B4GALT6: variants seen among roughly 807,000 people sequenced by gnomAD.
The protein encoded by B4GALT6 is UDP-Gal:beta-GlcNAc beta-1,4-galactosyltransferase 6.
In B4GALT6, 14 loss-of-function variants were observed where a neutral mutation model predicts 46.3. That is an observed-to-expected ratio of 0.30 (90% CI 0.20 to 0.47). B4GALT6 has a LOEUF of 0.47. B4GALT6 is among the 20% of genes least tolerant of loss of function. The pLI is 0.99. For missense variants in B4GALT6, 386 were observed against 480.1 expected, an observed-to-expected ratio of 0.80 and a Z score of 1.83; for synonymous variants, 168 against 162.0, an observed-to-expected ratio of 1.04 and a Z score of -0.28.
the B4GALT6 span, among the ~76,000 whole-genome samples, chr18:31,703,711 G>A: frequency 6.6e-6 from 1 of 152,218 alleles, no homozygotes; most frequent in Non-Finnish European, 1.5e-5. Flanking sequence ...GATGCTTTGA[G>A]CATGTCTGGG....
At chr18:31,692,553 A>ACT in the B4GALT6 span, among the ~76,000 whole-genome samples, 131,187 of 151,988 alleles carry the variant, frequency 0.86, 56,705 homozygotes, top group Non-Finnish European at 0.9. Flanking sequence ...TGATATTAAA[A>ACT]CTTCATAAAA....
At chr18:31,717,397 G>C in the B4GALT6 span, among the ~76,000 whole-genome samples, 39 of 152,278 alleles carry the variant, frequency 2.6e-4, no homozygotes, top group African/African-American at 8.4e-4. Flanking sequence ...TCTGGGTGCT[G>C]CAAATGTCTA....
Position 31,631,043 on chromosome 18 carries a change from T to A in B4GALT6, c.692A>T (p.His231Leu). 1 of 1,614,204 alleles carries A rather than the reference T, an allele frequency of 6.2e-7. No individual in the cohort carries two copies. The highest frequency in any genetic ancestry group is 8.5e-7 in the Non-Finnish European group (1 of 1,180,030). Reference sequence around the variant, plus strand: ...ATAGTTCCGGTCATTTTCAGGTAGATGATCCACATCGTGGAAGATTACACA... The same window carrying A: ...ATAGTTCCGGTCATTTTCAGGTAGAAGATCCACATCGTGGAAGATTACACA... ...WDCVIFHDVD[H>L]LPENDRNYYG... Residue 231 changes from histidine to leucine, a missense_variant, in exon 6 of 9, where the codon CAT becomes CTT. By Grantham distance (99) the His-to-Leu change is moderately conservative (BLOSUM62 -3). Transcript: ENST00000306851.
chr18:31,672,210 T>A (rs1258514926), intron 1 of B4GALT6, among the ~76,000 whole-genome samples: 3 of 152,228 alleles, frequency 2.0e-5, no homozygotes, highest in African/African-American at 7.2e-5. Context: ...TGTTCCTAGC[T>A]GCTATGACAT....
intron 1 of B4GALT6, among the ~76,000 whole-genome samples, chr18:31,669,154 T>C (rs1273397836): frequency 1.3e-5 from 2 of 152,248 alleles, no homozygotes; most frequent in Non-Finnish European, 2.9e-5. Context: ...TTATTCTTGA[T>C]ACAATTTGGA....
At chr18:31,639,181 A>G (rs1364567977) in intron 4 of B4GALT6, among the ~76,000 whole-genome samples, 1 of 152,220 alleles carries the variant, frequency 6.6e-6, no homozygotes, top group Non-Finnish European at 1.5e-5. Context: ...AGGAGGATAA[A>G]GGAGAAGAGA....
At chr18:31,677,344 A>C (rs976524164) in intron 1 of B4GALT6, among the ~76,000 whole-genome samples, 2 of 152,190 alleles carry the variant, frequency 1.3e-5, no homozygotes, top group Non-Finnish European at 2.9e-5. Context: ...AACTCAGCTA[A>C]ATTTTGCTAA....
Position 31,626,276 on chromosome 18 carries a change from A to C in B4GALT6, c.1001+7T>G. On this transcript the variant is annotated splice_region_variant and intron_variant, in intron 8 of 8. Coordinates refer to ENST00000306851, the MANE Select transcript of B4GALT6 (RefSeq NM_004775.5). Reference sequence around the variant, plus strand: ...ACCTTGGTATCTGAAGATGACATTCAACTTACCGTCCTAAAAACTGGACTT... The same window carrying C: ...ACCTTGGTATCTGAAGATGACATTCCACTTACCGTCCTAAAAACTGGACTT... 6.6e-7 allele frequency: 1 copy of C among 1,524,394 alleles called. No homozygotes were observed. The highest frequency in any genetic ancestry group is 1.7e-4 in the Middle Eastern group (1 of 5,822). 94.4% of individuals were successfully genotyped at this position (1,524,394 alleles called of 1,614,324 possible). A position where few individuals can be genotyped will look rare whatever the true frequency, so the allele number is the denominator to read the frequency against.
chr18:31,669,132 T>C (rs540829559), intron 1 of B4GALT6, among the ~76,000 whole-genome samples: 20 of 152,302 alleles, frequency 1.3e-4, no homozygotes, highest in African/African-American at 4.8e-4. Flanking sequence ...TTAGGTGTAT[T>C]TCAGTTTCTA....
intron 8 of B4GALT6, 119 bp from the exon 9 acceptor site, chr18:31,625,880 G>T (rs2073690053): frequency 3.8e-6 from 3 of 791,116 alleles, no homozygotes; most frequent in Non-Finnish European, 5.4e-6. Flanking sequence ...TACAATTTCT[G>T]GTTCTTGTGC....
At chr18:31,723,440 T>G in the B4GALT6 span, among the ~76,000 whole-genome samples, 1 of 152,216 alleles carries the variant, frequency 6.6e-6, no homozygotes, top group Non-Finnish European at 1.5e-5. Context: ...GTCTTCTCCC[T>G]GTGTGCACAC....
chr18:31,626,798 C>T (rs1034068735), intron 7 of B4GALT6, among the ~76,000 whole-genome samples: 3 of 151,992 alleles, frequency 2.0e-5, no homozygotes, highest in African/African-American at 7.3e-5. Context: ...AAGTTGGGGA[C>T]CGCTGCTCTA....
chr18:31,659,442 C>T (rs1438314745), intron 2 of B4GALT6, among the ~76,000 whole-genome samples: 1 of 152,154 alleles, frequency 6.6e-6, no homozygotes. Context: ...TGCAAGACTG[C>T]TGAATGAAAG....
chr18:31,671,909 T>A (rs535993624), intron 1 of B4GALT6, among the ~76,000 whole-genome samples: 22 of 152,278 alleles, frequency 1.4e-4, no homozygotes, highest in African/African-American at 5.3e-4. Flanking sequence ...CAGAAAAAAA[T>A]TTAAAAAATA....
chr18:31,651,713 C>A (rs1312366956), intron 3 of B4GALT6, among the ~76,000 whole-genome samples: 1 of 152,156 alleles, frequency 6.6e-6, no homozygotes, highest in African/African-American at 2.4e-5. Flanking sequence ...ACTTTCTAAC[C>A]TGGCTCTATG....
chr18:31,685,289 G>C (rs2074533390), upstream of B4GALT6, among the ~76,000 whole-genome samples: 1 of 131,518 alleles, frequency 7.6e-6, no homozygotes, highest in South Asian at 3.1e-4. Context: ...AAGAGCAACC[G>C]GGCGACGCGC....
At chr18:31,657,362 G>A (rs766633220) in intron 3 of B4GALT6, among the ~76,000 whole-genome samples, 1 of 152,092 alleles carries the variant, frequency 6.6e-6, no homozygotes, top group African/African-American at 2.4e-5. Context: ...AGATCTATAT[G>A]TAACAACATG....
intron 2 of B4GALT6, among the ~76,000 whole-genome samples, chr18:31,662,516 T>G (rs1228430049): frequency 2.6e-5 from 4 of 152,166 alleles, no homozygotes; most frequent in African/African-American, 9.7e-5. Context: ...CAGCCAATAA[T>G]GATTTAAGCT....
chr18:31,685,051 G>A (rs1224160316), upstream of B4GALT6, among the ~76,000 whole-genome samples: 2 of 146,010 alleles, frequency 1.4e-5, no homozygotes, highest in African/African-American at 4.9e-5. Flanking sequence ...CGGGGCCGAG[G>A]AGCTGGGCGC....
Sources: gnomAD v4.1 joint callset for allele counts (sites outside exome capture counted in the v4.1 genomes callset) on GRCh38, gnomAD v4.1.1 for gene constraint, MANE v1.5 for transcripts, NCBI Gene and HGNC (gene_info 2026-07-23, HGNC 2026-07-21) for gene names.